Variants in PARD3B observed in about 807,000 individuals in gnomAD.
The protein encoded by PARD3B is par-3 family cell polarity regulator beta, also known as partitioning defective 3 homolog B.
PARD3B carries 103 observed loss-of-function variants against 130.2 expected under a neutral mutation model. The ratio of observed to expected loss-of-function variants is 0.79; its 90% CI spans 0.67 to 0.93. PARD3B has a LOEUF of 0.93. Among genes scored for constraint, PARD3B ranks in the 40% least tolerant of loss-of-function variants. PARD3B has a pLI of 0.00. For synonymous variants in PARD3B, 583 were observed against 553.2 expected, an observed-to-expected ratio of 1.05 and a Z score of -0.76; for missense variants, 1,609 against 1,499.2, an observed-to-expected ratio of 1.07 and a Z score of -1.21.
At chr2:204,707,527 G>T (rs2125291255) in intron 2 of PARD3B, among the ~76,000 whole-genome samples, 1 of 152,236 alleles carries the variant, frequency 6.6e-6, no homozygotes, top group Middle Eastern at 3.4e-3. Flanking sequence ...ATATCTAGTA[G>T]ATGATGGATA....
intron 5 of PARD3B, among the ~76,000 whole-genome samples, chr2:205,104,837 T>G (rs1342795448): frequency 2.6e-5 from 4 of 152,216 alleles, no homozygotes; most frequent in South Asian, 2.1e-4. Context: ...TTACTTTGAC[T>G]TTAGCTCTTT....
Position 205,300,652 on chromosome 2 carries a change from C to T in PARD3B, c.2308C>T (p.His770Tyr), listed in dbSNP as rs535190523. Residue 770 changes from histidine to tyrosine, a missense_variant, in exon 17 of 23, where the codon CAC becomes TAC. By Grantham distance (83) the His-to-Tyr change is moderately conservative (BLOSUM62 2). Coordinates refer to ENST00000406610, the MANE Select transcript of PARD3B (RefSeq NM_001302769.2). The surrounding 1 kb of genome is among the most constrained non-coding windows in gnomAD (Gnocchi z 4.1). ...NDLPFHRPRP[H>Y]MVRGRGCNES... The stretch of plus-strand genomic sequence containing the variant: ...CCTTCCCTTTCACAGGCCCCGGCCG[C>T]ACATGGTTCGAGGCCGAGGCTGCAA... The T allele has an allele frequency of 4.3e-6, 7 of 1,613,950 alleles. No individual in the cohort carries two copies. The highest frequency in any genetic ancestry group is 4.5e-5 in the East Asian group (2 of 44,878).
intron 19 of PARD3B, among the ~76,000 whole-genome samples, chr2:205,402,607 T>C (rs1478572360): frequency 6.6e-6 from 1 of 152,202 alleles, no homozygotes; most frequent in East Asian, 1.9e-4. Flanking sequence ...TGAGTTGTCT[T>C]TAAGCAAGGG....
chr2:205,348,346 A>G (rs1164546638), intron 18 of PARD3B, among the ~76,000 whole-genome samples: 3 of 152,344 alleles, frequency 2.0e-5, no homozygotes, highest in African/African-American at 7.2e-5. Context: ...CCGTATTCTC[A>G]ATGTTTCAGC....
At chr2:204,975,700 T>C (rs1692083427) in intron 3 of PARD3B, among the ~76,000 whole-genome samples, 1 of 152,214 alleles carries the variant, frequency 6.6e-6, no homozygotes, top group African/African-American at 2.4e-5. Context: ...TAGCATGCTA[T>C]TGAGTGGTTT....
chr2:205,191,075 G>GAAAAAAAAAA (rs5837960), intron 14 of PARD3B, among the ~76,000 whole-genome samples: 15 of 97,720 alleles, frequency 1.5e-4, no homozygotes, highest in Non-Finnish European at 1.4e-4. Context: ...GAAAGAAATA[G>GAAAAAAAAAA]AAAAAAAAAA....
intron 18 of PARD3B, among the ~76,000 whole-genome samples, chr2:205,386,659 T>G (rs532119432): frequency 5.6e-4 from 15 of 26,834 alleles, no homozygotes; most frequent in East Asian, 3.1e-3. Flanking sequence ...AGAGTTTTTT[T>G]TTTTTGTTGT....
intron 21 of PARD3B, among the ~76,000 whole-genome samples, chr2:205,508,286 A>G (rs2050452342): frequency 6.6e-6 from 1 of 152,160 alleles, no homozygotes; most frequent in African/African-American, 2.4e-5. Context: ...AAATGTTTGT[A>G]TCCAGGCCAG....
intron 2 of PARD3B, among the ~76,000 whole-genome samples, chr2:204,871,322 C>T (rs778099442): frequency 2.0e-5 from 3 of 152,106 alleles, no homozygotes; most frequent in Non-Finnish European, 4.4e-5. Context: ...AACAACTCAA[C>T]AGACTCTATT....
At chr2:205,190,028 C>T (rs972854577) in intron 14 of PARD3B, among the ~76,000 whole-genome samples, 2 of 152,188 alleles carry the variant, frequency 1.3e-5, no homozygotes, top group African/African-American at 4.8e-5. Flanking sequence ...TTGTTACATT[C>T]ATATGTACAG....
intron 20 of PARD3B, among the ~76,000 whole-genome samples, chr2:205,482,926 T>A (rs1452626894): frequency 6.6e-6 from 1 of 152,108 alleles, no homozygotes; most frequent in Admixed American, 6.6e-5. Flanking sequence ...CACCCCTTTC[T>A]TCAGACTTCT....
chr2:205,370,422 G>T (rs2044767048), intron 18 of PARD3B, among the ~76,000 whole-genome samples: 1 of 152,206 alleles, frequency 6.6e-6, no homozygotes, highest in African/African-American at 2.4e-5. Flanking sequence ...TTTTTATGAA[G>T]TGAAGTTGTA....
At chr2:204,648,979 TATC>T (rs1182555855) in intron 1 of PARD3B, among the ~76,000 whole-genome samples, 7 of 45,402 alleles carry the variant, frequency 1.5e-4, no homozygotes, top group South Asian at 2.4e-3. Flanking sequence ...TTATAATAGA[TATC>T]ATATAAATAA....
intron 2 of PARD3B, among the ~76,000 whole-genome samples, chr2:204,835,852 G>T (rs2044011779): frequency 6.6e-6 from 1 of 152,220 alleles, no homozygotes. Flanking sequence ...GCTTATGTAA[G>T]TGTTCCAAGC....
chr2:205,052,029 C>A (rs1699224899), intron 4 of PARD3B, among the ~76,000 whole-genome samples: 1 of 151,984 alleles, frequency 6.6e-6, no homozygotes, highest in South Asian at 2.1e-4. Context: ...TGGTGAGAGT[C>A]TGCTTGTGGG....
chr2:205,206,033 C>G (rs1012617446), intron 15 of PARD3B, among the ~76,000 whole-genome samples: 2 of 152,090 alleles, frequency 1.3e-5, no homozygotes, highest in African/African-American at 4.8e-5. Context: ...ATCAGCTCCT[C>G]TTTGTACCTC....
In PARD3B at chr2:204,785,704, C is replaced by A. The variant is rs554834159; in HGVS notation, c.222+99422C>A. On this transcript the variant is annotated intron_variant, in intron 2 of 22. Coordinates refer to ENST00000406610, the MANE Select transcript of PARD3B (RefSeq NM_001302769.2). ...CCCAGTGCCCGACATGCAGGAAGCACTCAAGAAATAGAAATGTGTTGAATA... is the reference window on the plus strand; with the variant it reads ...CCCAGTGCCCGACATGCAGGAAGCAATCAAGAAATAGAAATGTGTTGAATA... Among the ~76,000 whole-genome samples, 9 of 152,312 alleles carry A rather than the reference C, an allele frequency of 5.9e-5. No individual in the cohort carries two copies. In the East Asian group the frequency reaches 1.7e-3, roughly 29 times the overall value.
At chr2:204,644,883 G>A (rs2035219430) in intron 1 of PARD3B, among the ~76,000 whole-genome samples, 1 of 151,982 alleles carries the variant, frequency 6.6e-6, no homozygotes, top group Non-Finnish European at 1.5e-5. Context: ...AACATAAATG[G>A]CAAGTATGAA....
chr2:204,881,833 C>T (rs188288506), intron 2 of PARD3B, among the ~76,000 whole-genome samples: 6 of 152,288 alleles, frequency 3.9e-5, no homozygotes, highest in South Asian at 2.1e-4. Context: ...ACTGCCTAGT[C>T]GCCTCTTTTT....
Sources: allele counts gnomAD v4.1 joint callset (sites outside exome capture counted in the v4.1 genomes callset), GRCh38; gene constraint gnomAD v4.1.1; non-coding constraint Gnocchi (gnomAD v3.1); transcripts MANE v1.5; gene names NCBI Gene and HGNC (gene_info 2026-07-23, HGNC 2026-07-21).